Variants in FAM90A20 observed in about 807,000 individuals in gnomAD.
The protein encoded by FAM90A20 is family with sequence similarity 90 member A20.
chr8:7,296,801 T>A, the FAM90A20 span, among the ~76,000 whole-genome samples: 1 of 136,176 alleles, frequency 7.3e-6, no homozygotes, highest in Non-Finnish European at 1.5e-5. Context: ...GTGGAGGCAC[T>A]TTGATCCAGT....
chr8:7,296,398 G>A, the FAM90A20 span: 1 of 745,626 alleles, frequency 1.3e-6, no homozygotes, highest in East Asian at 2.5e-5. Flanking sequence ...TTATCTGAGG[G>A]TGAGTGTCAC....
the FAM90A20 span, among the ~76,000 whole-genome samples, chr8:7,296,630 G>C: frequency 5.9e-5 from 8 of 135,068 alleles, 1 homozygote; most frequent in African/African-American, 1.1e-4. Flanking sequence ...CCAACAACAC[G>C]TTCCTAGCGG....
the FAM90A20 span, chr8:7,297,726 G>T: frequency 6.7e-7 from 1 of 1,494,816 alleles, no homozygotes; most frequent in Admixed American, 1.7e-5. Flanking sequence ...CCTCCGCACC[G>T]CAGACCTTGC....
At chr8:7,297,053 C>G in the FAM90A20 span, 17 of 1,492,200 alleles carry the variant, frequency 1.1e-5, 2 homozygotes, top group South Asian at 1.3e-4. Context: ...GTTGTTTCCT[C>G]TCTTTCAGGT....
At chr8:7,295,951 A>C in the FAM90A20 span, 5 of 536,248 alleles carry the variant, frequency 9.3e-6, no homozygotes, top group Non-Finnish European at 1.6e-5. Flanking sequence ...GCTGCAGAGA[A>C]ATAGGCCGGA....
chr8:7,297,735 G>A, the FAM90A20 span: 2 of 1,494,732 alleles, frequency 1.3e-6, no homozygotes, highest in Admixed American at 1.7e-5. Context: ...CGCAGACCTT[G>A]CCTGCCTACT....
chr8:7,297,553 G>A, the FAM90A20 span: 7 of 1,519,964 alleles, frequency 4.6e-6, no homozygotes, highest in Non-Finnish European at 6.2e-6. Flanking sequence ...CCAAGAAACC[G>A]AGACTGGGTC....
chr8:7,296,656 C>A, the FAM90A20 span, among the ~76,000 whole-genome samples: 2 of 135,138 alleles, frequency 1.5e-5, no homozygotes, highest in Non-Finnish European at 3.0e-5. Context: ...GGAAATTAGT[C>A]CCTCAGAGGC....
At chr8:7,297,564 C>T in the FAM90A20 span, 4 of 1,512,742 alleles carry the variant, frequency 2.6e-6, 1 homozygote, top group African/African-American at 4.0e-5. Context: ...AGACTGGGTC[C>T]CTTCCAGATC....
At chr8:7,297,246 C>T in the FAM90A20 span, 5 of 1,469,338 alleles carry the variant, frequency 3.4e-6, no homozygotes, top group East Asian at 2.3e-5. Flanking sequence ...CAGACAGGGG[C>T]TGCCGCCGAC....
the FAM90A20 span, chr8:7,296,142 A>T: frequency 1.7e-6 from 1 of 581,482 alleles, no homozygotes; most frequent in East Asian, 3.0e-5. Context: ...GAAGGTTGGC[A>T]CGTGAGGGAA....
At chr8:7,297,753 C>T in the FAM90A20 span, 39 of 1,479,706 alleles carry the variant, frequency 2.6e-5, 1 homozygote, top group Middle Eastern at 7.0e-4. Flanking sequence ...ACTGCCCAGG[C>T]CTGCACCATG....
At chr8:7,297,712 G>T in the FAM90A20 span, 2 of 1,469,242 alleles carry the variant, frequency 1.4e-6, no homozygotes, top group Non-Finnish European at 1.8e-6. Context: ...GCGTTGAACG[G>T]CAGCCTCCGC....
the FAM90A20 span, chr8:7,297,937 T>C: frequency 1.4e-6 from 1 of 695,128 alleles, no homozygotes; most frequent in South Asian, 1.5e-5. Flanking sequence ...AGTCTGAGGC[T>C]CCCTGTGTTC....
At chr8:7,297,597 G>A in the FAM90A20 span, 5 of 1,482,176 alleles carry the variant, frequency 3.4e-6, 1 homozygote, top group East Asian at 2.3e-5. Flanking sequence ...ATCCAGGGAG[G>A]TGAGCTGGGG....
the FAM90A20 span, chr8:7,297,572 A>G: frequency 1.5e-5 from 23 of 1,512,354 alleles, 2 homozygotes; most frequent in Middle Eastern, 2.3e-4. Context: ...TCCCTTCCAG[A>G]TCCCCGAAAG....
chr8:7,297,982 G>C, the FAM90A20 span: 1 of 681,482 alleles, frequency 1.5e-6, no homozygotes, highest in South Asian at 1.5e-5. Context: ...AGGACCTTCA[G>C]GTTTCCTCCT....
the FAM90A20 span, chr8:7,296,410 C>T: frequency 4.1e-6 from 3 of 739,150 alleles, no homozygotes; most frequent in South Asian, 1.4e-5. Context: ...GAGTGTCACC[C>T]CGGGCCCCTG....
chr8:7,297,210 C>T, the FAM90A20 span: 1 of 1,531,596 alleles, frequency 6.5e-7, no homozygotes, highest in Non-Finnish European at 8.8e-7. Context: ...CTGAGCTCCT[C>T]CTCAAGTCTT....
Sources: gnomAD v4.1 joint callset for allele counts (sites outside exome capture counted in the v4.1 genomes callset) on GRCh38, gnomAD v4.1.1 for gene constraint, MANE v1.5 for transcripts, NCBI Gene and HGNC (gene_info 2026-07-23, HGNC 2026-07-21) for gene names.